Variants in RBFOX1 observed in about 807,000 individuals in gnomAD.
The protein encoded by RBFOX1 is RNA binding protein fox-1 homolog 1.
In RBFOX1, 8 loss-of-function variants were observed where a neutral mutation model predicts 57.7. The ratio of observed to expected loss-of-function variants is 0.14; its 90% CI spans 0.08 to 0.25. The LOEUF (loss-of-function observed/expected upper bound fraction) is 0.25, where lower values mean the gene tolerates loss of function less well. Ranked by LOEUF, RBFOX1 falls within the 10% of genes least tolerant of loss-of-function variation. The probability of loss-of-function intolerance (pLI) is 1.00; values close to 1 mark genes in which losing one functional copy is unlikely to be tolerated. For synonymous variants in RBFOX1, 326 were observed against 222.4 expected (o/e 1.47, Z -4.15); for missense variants, 611 against 548.5 (o/e 1.11, Z -1.14).
At chr16:6,182,737 A>C (rs1053985531) in intron 1 of RBFOX1, among the ~76,000 whole-genome samples, 1 of 152,238 alleles carries the variant, frequency 6.6e-6, no homozygotes, top group Admixed American at 6.5e-5. Context: ...GGAACGCTGT[A>C]GTTAAATAGG....
chr16:6,627,868 C>T (rs1464203411), intron 2 of RBFOX1, among the ~76,000 whole-genome samples: 1 of 152,176 alleles, frequency 6.6e-6, no homozygotes, highest in African/African-American at 2.4e-5. Context: ...AGAAGTTTCA[C>T]AAAGCATTTA....
At chr16:7,053,343 T>C (rs1196187058) in intron 4 of RBFOX1, among the ~76,000 whole-genome samples, 1 of 152,238 alleles carries the variant, frequency 6.6e-6, no homozygotes, top group African/African-American at 2.4e-5. Context: ...GACCCTTTCC[T>C]TCATGGAACA....
At chr16:6,858,224 A>C (rs1272277203) in intron 3 of RBFOX1, among the ~76,000 whole-genome samples, 2 of 152,202 alleles carry the variant, frequency 1.3e-5, no homozygotes, top group African/African-American at 2.4e-5. Context: ...CGAAGGTTGA[A>C]TGGTTTTGAG....
chr16:6,949,151 C>G (rs2080176378), intron 3 of RBFOX1, among the ~76,000 whole-genome samples: 4 of 151,998 alleles, frequency 2.6e-5, no homozygotes. Flanking sequence ...TAACTGATGC[C>G]TTCCCCCACC....
rs199645716 is a variant in RBFOX1, at chr16:6,554,427, T to TA, written c.-63-100174dup. 1.7e-3 allele frequency among the ~76,000 whole-genome samples: 257 copies of TA among 151,794 alleles called. 1 individual carries two copies. The highest frequency in any genetic ancestry group is 6.8e-3 in the Middle Eastern group (2 of 294). ...TGTGCACGAGGCTTCCCTCCCGGGG[T>TA]AATAAAAAAAAAGTTCTAAAATTAA... On this transcript the variant is annotated intron_variant, in intron 2 of 15. Transcript: ENST00000550418.
At chr16:5,513,113 C>T (rs909638674) in intron 2 of RBFOX1, among the ~76,000 whole-genome samples, 3 of 152,136 alleles carry the variant, frequency 2.0e-5, no homozygotes, top group African/African-American at 7.2e-5. Flanking sequence ...TAGGATGTTA[C>T]TATGCTGTCC....
At chr16:6,177,873 C>A (rs1192704295) in intron 1 of RBFOX1, among the ~76,000 whole-genome samples, 1 of 149,748 alleles carries the variant, frequency 6.7e-6, no homozygotes, top group African/African-American at 2.5e-5. Flanking sequence ...CAGCTACATC[C>A]ATCTAATTCA....
intron 2 of RBFOX1, among the ~76,000 whole-genome samples, chr16:5,503,649 G>T (rs1236623330): frequency 6.6e-6 from 1 of 152,112 alleles, no homozygotes; most frequent in Non-Finnish European, 1.5e-5. Flanking sequence ...TCCCCATGTT[G>T]GTCAGGTTGG....
intron 1 of RBFOX1, among the ~76,000 whole-genome samples, chr16:5,389,653 G>T (rs1206198488): frequency 1.3e-5 from 2 of 150,002 alleles, no homozygotes; most frequent in African/African-American, 4.9e-5. Flanking sequence ...ATCCTTTTTT[G>T]CTGCTTCTCT....
At chr16:5,714,046 T>C (rs1435998321) in intron 3 of RBFOX1, among the ~76,000 whole-genome samples, 2 of 152,202 alleles carry the variant, frequency 1.3e-5, no homozygotes, top group Non-Finnish European at 2.9e-5. Flanking sequence ...CAATAAAATA[T>C]GAGCCTATGC....
At chr16:6,941,348 TTCCTTC>T (rs2078477451) in intron 3 of RBFOX1, among the ~76,000 whole-genome samples, 1 of 134,804 alleles carries the variant, frequency 7.4e-6, no homozygotes, top group Non-Finnish European at 1.6e-5. Context: ...CCTTCCTTCC[TTCCTTC>T]CTTCTCTATG....
chr16:5,623,307 G>C (rs373612446), intron 3 of RBFOX1, among the ~76,000 whole-genome samples: 1 of 152,162 alleles, frequency 6.6e-6, no homozygotes, highest in Admixed American at 6.5e-5. Flanking sequence ...TCAAACTGAA[G>C]GGTGTGTAAG....
intron 11 of RBFOX1, among the ~76,000 whole-genome samples, chr16:7,643,631 T>C (rs1309674332): frequency 6.6e-6 from 1 of 152,230 alleles, no homozygotes; most frequent in Non-Finnish European, 1.5e-5. Context: ...TCACTAACTC[T>C]ACAGAATCTG....
chr16:7,057,647 G>C (rs1257079912), intron 4 of RBFOX1, among the ~76,000 whole-genome samples: 1 of 152,170 alleles, frequency 6.6e-6, no homozygotes, highest in African/African-American at 2.4e-5. Context: ...CAACACAGTT[G>C]CCCAGGGCCA....
chr16:7,675,536 A>T (rs1295629001), intron 13 of RBFOX1, among the ~76,000 whole-genome samples: 1 of 152,244 alleles, frequency 6.6e-6, no homozygotes, highest in East Asian at 1.9e-4. Flanking sequence ...ATTGCTGTGC[A>T]AATGATAGCA....
chr16:6,788,364 C>G (rs2082315140), intron 3 of RBFOX1, among the ~76,000 whole-genome samples: 1 of 152,122 alleles, frequency 6.6e-6, no homozygotes, highest in South Asian at 2.1e-4. Flanking sequence ...AGGCATGTAA[C>G]TACCTTGTAA....
At chr16:5,806,770 C>T (rs1334349979) in intron 3 of RBFOX1, among the ~76,000 whole-genome samples, 3 of 152,228 alleles carry the variant, frequency 2.0e-5, no homozygotes, top group Non-Finnish European at 2.9e-5. Context: ...CCCTAATTAG[C>T]ACAGAGGTGA....
chr16:7,418,986 C>T (rs567769206), intron 4 of RBFOX1, among the ~76,000 whole-genome samples: 2 of 152,146 alleles, frequency 1.3e-5, no homozygotes, highest in Non-Finnish European at 1.5e-5. Context: ...CTCACTGCAC[C>T]CTTGACCTCC....
At chr16:6,725,655 T>C (rs1156567358) in intron 3 of RBFOX1, among the ~76,000 whole-genome samples, 1 of 152,210 alleles carries the variant, frequency 6.6e-6, no homozygotes, top group East Asian at 1.9e-4. Context: ...CCTTTTAATT[T>C]CTTAATACAT....
Sources: gnomAD v4.1 joint callset for allele counts (sites outside exome capture counted in the v4.1 genomes callset) on GRCh38, gnomAD v4.1.1 for gene constraint, MANE v1.5 for transcripts, NCBI Gene and HGNC (gene_info 2026-07-23, HGNC 2026-07-21) for gene names.